AGFG1: variants seen among roughly 807,000 people sequenced by gnomAD.
AGFG1 encodes ArfGAP with FG repeats 1.
In AGFG1, 10 loss-of-function variants were observed where a neutral mutation model predicts 60.6. The ratio of observed to expected loss-of-function variants is 0.16; its 90% CI spans 0.10 to 0.28. The LOEUF is 0.28. AGFG1 is among the 10% of genes least tolerant of loss of function. AGFG1 has a pLI of 1.00. For missense variants in AGFG1, 537 were observed against 676.5 expected (o/e 0.79, Z 2.29); for synonymous variants, 247 against 242.9 (o/e 1.02, Z -0.16).
intron 2 of AGFG1, among the ~76,000 whole-genome samples, chr2:227,511,415 A>G (rs1559180239): frequency 1.3e-5 from 2 of 152,272 alleles, no homozygotes; most frequent in East Asian, 3.9e-4. Flanking sequence ...GTTGCAGTTA[A>G]TGCTGATGTT....
intron 10 of AGFG1, among the ~76,000 whole-genome samples, chr2:227,547,543 A>G (rs1356364981): frequency 1.3e-5 from 2 of 152,226 alleles, no homozygotes; most frequent in African/African-American, 4.8e-5. Context: ...CAAATCCTAC[A>G]TCTGATAAGG....
rs1464345412 is a variant in AGFG1, at chr2:227,523,875, T to C, written c.490T>C (p.Leu164=). The change falls in exon 4 of 13, where the codon TTA becomes CTA. Residue 164 remains leucine (L), a synonymous_variant. Transcript: ENST00000310078. ...TGAGGTCAAACCACTGAAATCTCTT[T>C]TAGGGGATTCTGCACCAACACTGCA... The part of the protein sequence containing the change: ...TPEVKPLKSL[L]GDSAPTLHLN... 10 of 1,613,816 alleles carry C rather than the reference T, an allele frequency of 6.2e-6. No homozygotes were observed. Among genetic ancestry groups the C allele is most frequent in the Non-Finnish European group, 7.6e-6 (9 of 1,179,952 alleles).
intron 2 of AGFG1, among the ~76,000 whole-genome samples, chr2:227,499,932 T>G (rs1324105057): frequency 6.6e-6 from 1 of 152,176 alleles, no homozygotes; most frequent in Non-Finnish European, 1.5e-5. Context: ...GTTGTAGTCC[T>G]TTTCCTGTGT....
chr2:227,552,427 A>G (rs900972701), intron 11 of AGFG1, among the ~76,000 whole-genome samples: 1 of 152,146 alleles, frequency 6.6e-6, no homozygotes, highest in African/African-American at 2.4e-5. Context: ...CTTGATTTTA[A>G]AAGGAGAATT....
At chr2:227,536,841 T>C in intron 9 of AGFG1, 60 bp from the exon 10 acceptor site, 7 of 1,547,560 alleles carry the variant, frequency 4.5e-6, no homozygotes, top group Non-Finnish European at 6.2e-6. Context: ...AGTGAAATAA[T>C]TTAAATCTTA....
intron 1 of AGFG1, among the ~76,000 whole-genome samples, chr2:227,484,677 G>GTTTTTTTTTTTTTTTTTTTTTTTT (rs34405103): frequency 8.6e-6 from 1 of 115,908 alleles, no homozygotes; most frequent in Non-Finnish European, 1.7e-5. Context: ...AGATCTCTTA[G>GTTTTTTTTTTTTTTTTTTTTTTTT]TTTTTTTTTT....
At chr2:227,524,262 C>G (rs974093468) in intron 4 of AGFG1, among the ~76,000 whole-genome samples, 3 of 151,930 alleles carry the variant, frequency 2.0e-5, no homozygotes, top group Admixed American at 2.0e-4. Context: ...TGGTGACCAT[C>G]AGAGTTAGAA....
At position 227,472,574 on chromosome 2, in the gene AGFG1, C is replaced by T. The variant is rs748473147; in HGVS notation, c.153C>T (p.Ser51=). The T allele has an allele frequency of 1.3e-6, 2 of 1,576,392 alleles. No individual in the cohort carries two copies. The highest frequency in any genetic ancestry group is 1.7e-6 in the Non-Finnish European group (2 of 1,161,194). ...CGGTCGGCTCCTTCGTGTGTACCTCCTGCTCCGGCAGCCTGTGAGTGCGGG... is the reference window on the plus strand; with the variant it reads ...CGGTCGGCTCCTTCGTGTGTACCTCTTGCTCCGGCAGCCTGTGAGTGCGGG... ...NMTVGSFVCT[S]CSGSLRGLNP... Residue 51 remains serine (S), a synonymous_variant, in exon 1 of 13, where the codon TCC becomes TCT. Transcript: ENST00000310078.
In AGFG1 at chr2:227,482,498, A is replaced by G. The variant is rs73081463; in HGVS notation, c.168-9049A>G. ...TTCTAGATTTTAAATGTATAATTTT[A>G]TGCTATGAAACATATGTAATATTTT... On this transcript the variant is annotated intron_variant, in intron 1 of 12. Transcript: ENST00000310078. Among the ~76,000 whole-genome samples, 861 of 152,324 alleles carry G rather than the reference A, an allele frequency of 5.7e-3. 8 individuals are homozygous for G. The highest frequency in any genetic ancestry group is 0.019 in the African/African-American group (806 of 41,560).
rs2106250290 is a variant in AGFG1 at position 227,557,148 on chromosome 2, T to G, written c.*2653T>G. 1 of 152,292 alleles carries G rather than the reference T, an allele frequency of 6.6e-6. No individual in the cohort carries two copies. 9.4% of individuals were successfully genotyped at this position (152,292 alleles called of 1,614,324 possible). On this transcript the variant is annotated 3_prime_UTR_variant, in exon 13 of 13. Coordinates refer to ENST00000310078, the MANE Select transcript of AGFG1 (RefSeq NM_004504.5). ...CCTTCAAATTTCCTGGCTTACTGGT[T>G]TAGTCACATCATTTTTCCTGTTCAG...
At chr2:227,489,434 C>A (rs1467292695) in intron 1 of AGFG1, among the ~76,000 whole-genome samples, 1 of 151,652 alleles carries the variant, frequency 6.6e-6, no homozygotes, top group Non-Finnish European at 1.5e-5. Flanking sequence ...GTTGGCCAGG[C>A]TGGTCTCAAA....
intron 10 of AGFG1, among the ~76,000 whole-genome samples, chr2:227,549,645 G>A (rs895773076): frequency 1.3e-5 from 2 of 152,148 alleles, no homozygotes; most frequent in Admixed American, 6.6e-5. Context: ...CATTGTTCAT[G>A]CACTCTCTCC....
rs1326498114 is a variant in AGFG1 at position 227,523,870 on chromosome 2, C to G, written c.485C>G (p.Ser162Cys). The G allele has an allele frequency of 2.5e-6, 4 of 1,613,950 alleles. No individual in the cohort carries two copies. Among genetic ancestry groups the G allele is most frequent in the South Asian group, 1.1e-5 (1 of 91,070 alleles). ...ACACCTGAGGTCAAACCACTGAAATCTCTTTTAGGGGATTCTGCACCAACA... is the reference window on the plus strand; with the variant it reads ...ACACCTGAGGTCAAACCACTGAAATGTCTTTTAGGGGATTCTGCACCAACA... ...SSTPEVKPLKSLLGDSAPTLH... is the reference protein window; with the variant it reads ...SSTPEVKPLKCLLGDSAPTLH... Residue 162 changes from serine to cysteine, a missense_variant, in exon 4 of 13, where the codon TCT becomes TGT. Around this residue, in one of 4 missense-constraint regions of AGFG1, gnomAD observed 102 missense variants for 82.9 expected, o/e 1.23. Transcript: ENST00000310078.
chr2:227,508,966 A>G (rs1459000116), intron 2 of AGFG1, among the ~76,000 whole-genome samples: 1 of 152,166 alleles, frequency 6.6e-6, no homozygotes, highest in African/African-American at 2.4e-5. Flanking sequence ...AAAATTAACT[A>G]GAATGTTACC....
intron 10 of AGFG1, among the ~76,000 whole-genome samples, chr2:227,537,739 T>C (rs1279470766): frequency 6.6e-6 from 1 of 152,190 alleles, no homozygotes; most frequent in Non-Finnish European, 1.5e-5. Flanking sequence ...AATCTAGAGT[T>C]TGTATGCTTT....
intron 2 of AGFG1, among the ~76,000 whole-genome samples, chr2:227,500,665 C>G (rs1184353664): frequency 6.6e-6 from 1 of 152,146 alleles, no homozygotes; most frequent in Non-Finnish European, 1.5e-5. Flanking sequence ...ATATTTGCCT[C>G]AGCAGATATC....
intron 2 of AGFG1, among the ~76,000 whole-genome samples, chr2:227,492,599 C>T (rs182564051): frequency 2.6e-5 from 4 of 152,036 alleles, no homozygotes; most frequent in Non-Finnish European, 4.4e-5. Context: ...AAATTGTTTG[C>T]CTACTTGTGA....
intron 1 of AGFG1, among the ~76,000 whole-genome samples, chr2:227,489,816 A>C (rs1360960769): frequency 6.7e-6 from 1 of 149,714 alleles, no homozygotes; most frequent in Non-Finnish European, 1.5e-5. Flanking sequence ...ACAAGCAAAA[A>C]TACTTTTTTT....
intron 10 of AGFG1, chr2:227,549,962 G>A (rs950059103): frequency 3.9e-5 from 15 of 389,282 alleles, no homozygotes; most frequent in Middle Eastern, 6.2e-4. Flanking sequence ...CAGTACACTC[G>A]AATTTTATAA....
Sources: gnomAD v4.1 joint callset for allele counts (sites outside exome capture counted in the v4.1 genomes callset) on GRCh38, gnomAD v4.1.1 for gene constraint, gnomAD v4.1.1 regional missense constraint, MANE v1.5 for transcripts, NCBI Gene and HGNC (gene_info 2026-07-23, HGNC 2026-07-21) for gene names.